Variants in CCDC50 observed in about 807,000 individuals in gnomAD.
CCDC50 encodes the protein coiled-coil domain containing 50, also known as coiled-coil domain-containing protein 50.
In CCDC50, 54 loss-of-function variants were observed where a neutral mutation model predicts 70.2. The ratio of observed to expected loss-of-function variants is 0.77; its 90% CI spans 0.62 to 0.96. The LOEUF (loss-of-function observed/expected upper bound fraction) is 0.96. Among genes scored for constraint, CCDC50 ranks in the 50% least tolerant of loss-of-function variants. The probability of loss-of-function intolerance (pLI) is 0.00; values close to 1 mark genes in which losing one functional copy is unlikely to be tolerated. For missense variants in CCDC50, 558 were observed against 578.7 expected, an observed-to-expected ratio of 0.96 and a Z score of 0.37; for synonymous variants, 216 against 198.8, an observed-to-expected ratio of 1.09 and a Z score of -0.73.
intron 10 of CCDC50, among the ~76,000 whole-genome samples, chr3:191,385,372 G>A (rs951417242): frequency 6.6e-6 from 1 of 152,150 alleles, no homozygotes; most frequent in Admixed American, 6.5e-5. Context: ...TTGTCAGATA[G>A]TATCTCATTG....
intron 6 of CCDC50, among the ~76,000 whole-genome samples, chr3:191,376,307 T>C (rs750109169): frequency 3.9e-5 from 6 of 152,178 alleles, no homozygotes; most frequent in Non-Finnish European, 7.4e-5. Flanking sequence ...AACTCTACAG[T>C]TGGTGTTCTA....
chr3:191,344,571 TTTTGTTTG>T (rs113570154), intron 1 of CCDC50, among the ~76,000 whole-genome samples: 2 of 152,098 alleles, frequency 1.3e-5, no homozygotes, highest in Non-Finnish European at 2.9e-5. Flanking sequence ...TGTCATTTCC[TTTTGTTTG>T]TTTGTTTGTT....
intron 4 of CCDC50, among the ~76,000 whole-genome samples, chr3:191,365,761 C>T (rs891014026): frequency 4.6e-5 from 7 of 151,978 alleles, no homozygotes; most frequent in African/African-American, 1.7e-4. Flanking sequence ...AAACTCATTG[C>T]CATTGGAGGA....
chr3:191,371,005 G>A (rs1264113035), intron 5 of CCDC50, among the ~76,000 whole-genome samples: 1 of 152,214 alleles, frequency 6.6e-6, no homozygotes, highest in Non-Finnish European at 1.5e-5. Flanking sequence ...AAGCAGGAAA[G>A]TGGTATGAAG....
At chr3:191,361,189 A>C (rs756069941) in intron 4 of CCDC50, 30 bp downstream of exon 4, 47 of 1,511,810 alleles carry the variant, frequency 3.1e-5, no homozygotes, top group Non-Finnish European at 4.3e-5. Context: ...CCTCTCCCTC[A>C]TGGAGAAAGG....
Position 191,357,162 on chromosome 3 carries a change from C to T in CCDC50, c.112+12C>T. Reference sequence around the variant, plus strand: ...GCAGGAACAAGAGAGTGAGTAATACCTCTCATTTATGCTCCTTCAGTTTTC... The same window carrying T: ...GCAGGAACAAGAGAGTGAGTAATACTTCTCATTTATGCTCCTTCAGTTTTC... On this transcript the variant is annotated intron_variant, in intron 2 of 11. Coordinates refer to ENST00000392455, the MANE Select transcript of CCDC50 (RefSeq NM_178335.3). 2 of 1,610,336 alleles carry T rather than the reference C, an allele frequency of 1.2e-6. No homozygotes were observed. The highest frequency in any genetic ancestry group is 1.7e-6 in the Non-Finnish European group (2 of 1,176,854).
At chr3:191,335,056 G>T (rs754137040) in intron 1 of CCDC50, among the ~76,000 whole-genome samples, 2 of 152,112 alleles carry the variant, frequency 1.3e-5, no homozygotes, top group Non-Finnish European at 2.9e-5. Context: ...AAAATTAAAC[G>T]TATTGGAGAA....
At chr3:191,371,211 T>C (rs375136146) in intron 5 of CCDC50, among the ~76,000 whole-genome samples, 1 of 152,176 alleles carries the variant, frequency 6.6e-6, no homozygotes, top group South Asian at 2.1e-4. Flanking sequence ...GAGGGGATGA[T>C]TCCCTCAGTT....
Position 191,392,030 on chromosome 3 carries a change from A to G in CCDC50, c.*270A>G, listed in dbSNP as rs1038463097. 3.1e-5 allele frequency: 13 copies of G among 414,276 alleles called. No individual in the cohort carries two copies. Among genetic ancestry groups the G allele is most frequent in the South Asian group, 2.6e-4 (7 of 27,262 alleles). 25.7% of individuals were successfully genotyped at this position (414,276 alleles called of 1,614,324 possible). On this transcript the variant is annotated 3_prime_UTR_variant, in exon 12 of 12. Transcript: ENST00000392455. The stretch of plus-strand genomic sequence containing the variant: ...GGATATAGTATCTAAGACCTTTGTA[A>G]ACTGCCATTTTGTTAGGTATGGAGT...
chr3:191,383,323 C>T (rs1235562283), intron 10 of CCDC50, among the ~76,000 whole-genome samples: 1 of 152,052 alleles, frequency 6.6e-6, no homozygotes, highest in Non-Finnish European at 1.5e-5. Flanking sequence ...TACATACTTT[C>T]TGATTTATCT....
chr3:191,358,690 T>A (rs1178655992), intron 3 of CCDC50, among the ~76,000 whole-genome samples: 1 of 152,224 alleles, frequency 6.6e-6, no homozygotes, highest in African/African-American at 2.4e-5. Flanking sequence ...GAAATGATTA[T>A]TTCTCAGGTT....
At chr3:191,389,322 A>G (rs921728404) in intron 10 of CCDC50, among the ~76,000 whole-genome samples, 174 bp from the exon 11 acceptor site, 5 of 152,224 alleles carry the variant, frequency 3.3e-5, no homozygotes, top group Non-Finnish European at 7.3e-5. Context: ...AGGAACGGGA[A>G]GATAAATAAT....
chr3:191,376,896 T>C (rs1342147178), intron 6 of CCDC50, among the ~76,000 whole-genome samples: 1 of 152,164 alleles, frequency 6.6e-6, no homozygotes, highest in Non-Finnish European at 1.5e-5. Context: ...TGATGTACAC[T>C]GACCTCTACG....
intron 10 of CCDC50, among the ~76,000 whole-genome samples, chr3:191,386,516 C>T (rs60089463): frequency 0.06 from 9,056 of 152,162 alleles, 484 homozygotes; most frequent in East Asian, 0.25. Context: ...TGAGCCACCG[C>T]GCCTGACCTG....
intron 6 of CCDC50, among the ~76,000 whole-genome samples, chr3:191,377,742 T>A (rs1215438111): frequency 6.6e-6 from 1 of 152,216 alleles, no homozygotes; most frequent in Non-Finnish European, 1.5e-5. Flanking sequence ...AATTTTATTC[T>A]GTAAATTTAT....
At position 191,375,528 on chromosome 3, in the gene CCDC50, A is replaced by G. The variant is rs1281613870; in HGVS notation, c.915A>G (p.Arg305=). 4 of 1,613,518 alleles carry G rather than the reference A, an allele frequency of 2.5e-6. No homozygotes were observed. Among genetic ancestry groups the G allele is most frequent in the South Asian group, 1.1e-5 (1 of 91,022 alleles). Residue 305 remains arginine (R), a synonymous_variant, in exon 6 of 12, where the codon AGA becomes AGG. Transcript: ENST00000392455. ...DHGQGEHRKR[R]HRPRTPPFSE... ...GGCAAGGTGAGCACAGAAAAAGGAGACACAGGCCCAGGACTCCTCCATTCT... is the reference window on the plus strand; with the variant it reads ...GGCAAGGTGAGCACAGAAAAAGGAGGCACAGGCCCAGGACTCCTCCATTCT...
intron 5 of CCDC50, among the ~76,000 whole-genome samples, chr3:191,373,057 A>G (rs889314932): frequency 6.7e-6 from 1 of 150,352 alleles, no homozygotes; most frequent in South Asian, 2.1e-4. Flanking sequence ...CTCATATAAA[A>G]TGCAGATATA....
Position 191,397,357 on chromosome 3 carries a change from A to T in CCDC50, c.*5597A>T, listed in dbSNP as rs1296970003. The T allele has an allele frequency of 6.6e-6, 1 of 152,206 alleles. No individual in the cohort carries two copies. The highest frequency in any genetic ancestry group is 1.5e-5 in the Non-Finnish European group (1 of 68,038). The allele number at this position is 152,206 out of a possible 1,614,324, so 9.4% of individuals were successfully genotyped here. On this transcript the variant is annotated 3_prime_UTR_variant, in exon 12 of 12. Transcript: ENST00000392455. ...GTCTTGGAAATCCCTATGGTCTCTAATTTCAGCTCTTGCTGTAAACTGCAA... is the reference window on the plus strand; with the variant it reads ...GTCTTGGAAATCCCTATGGTCTCTATTTTCAGCTCTTGCTGTAAACTGCAA...
intron 4 of CCDC50, among the ~76,000 whole-genome samples, chr3:191,362,133 T>G (rs1366697268): frequency 1.3e-5 from 2 of 152,224 alleles, no homozygotes; most frequent in African/African-American, 2.4e-5. Flanking sequence ...CAGCCCTTTT[T>G]TTAAATTATT....
Sources: gnomAD v4.1 joint callset for allele counts (sites outside exome capture counted in the v4.1 genomes callset) on GRCh38, gnomAD v4.1.1 for gene constraint, MANE v1.5 for transcripts, NCBI Gene and HGNC (gene_info 2026-07-23, HGNC 2026-07-21) for gene names.